RNF38: variants seen among roughly 807,000 people sequenced by gnomAD.
The protein encoded by RNF38 is E3 ubiquitin-protein ligase RNF38.
A neutral mutation model predicts 67.2 loss-of-function variants in RNF38; 15 were observed. The ratio of observed to expected loss-of-function variants is 0.22; its 90% CI spans 0.15 to 0.34. The LOEUF is 0.34. Among genes scored for constraint, RNF38 ranks in the 10% least tolerant of loss-of-function variants. The probability of loss-of-function intolerance (pLI) is 1.00; values close to 1 mark genes in which losing one functional copy is unlikely to be tolerated. For synonymous variants in RNF38, 220 were observed against 218.8 expected (o/e 1.01, Z -0.05); for missense variants, 524 against 639.9 (o/e 0.82, Z 1.95).
intron 2 of RNF38, among the ~76,000 whole-genome samples, chr9:36,378,191 T>G (rs1345325189): frequency 4.2e-5 from 6 of 143,890 alleles, no homozygotes; most frequent in East Asian, 2.1e-4. Context: ...TTTTTTTTTT[T>G]TGTGAGACGG....
chr9:36,457,660 C>A (rs1289297257), intron 1 of RNF38, among the ~76,000 whole-genome samples: 2 of 152,132 alleles, frequency 1.3e-5, no homozygotes, highest in Non-Finnish European at 2.9e-5. Flanking sequence ...GTAATCCCAG[C>A]ACTTTTGGAG....
rs560278471 is a variant in RNF38, at chr9:36,347,669, G to A, written c.1264-2716C>T. Among the ~76,000 whole-genome samples, 21 of 152,214 alleles carry A rather than the reference G, an allele frequency of 1.4e-4. No homozygotes were observed. In the South Asian group the frequency reaches 3.7e-3, roughly 27 times the overall value. On this transcript the variant is annotated intron_variant, in intron 9 of 11. Coordinates refer to ENST00000259605, the MANE Select transcript of RNF38 (RefSeq NM_022781.5). The stretch of plus-strand genomic sequence containing the variant: ...TCGCCCATCTCTCTCCGTCTCCTGC[G>A]GTATTCCTAGTCTCTGAGACACAAC...
chr9:36,417,953 A>C (rs1289443311), intron 2 of RNF38, among the ~76,000 whole-genome samples: 1 of 152,258 alleles, frequency 6.6e-6, no homozygotes, highest in Non-Finnish European at 1.5e-5. Flanking sequence ...AAATATGGTA[A>C]GAAAAAACAA....
intron 1 of RNF38, among the ~76,000 whole-genome samples, chr9:36,486,626 G>A (rs1840417979): frequency 6.6e-6 from 1 of 152,108 alleles, no homozygotes; most frequent in African/African-American, 2.4e-5. Context: ...TGGGGAAGGT[G>A]GCCTGGCAGA....
intron 2 of RNF38, among the ~76,000 whole-genome samples, chr9:36,419,540 C>G (rs1340135760): frequency 6.6e-6 from 1 of 152,196 alleles, no homozygotes; most frequent in Non-Finnish European, 1.5e-5. Context: ...AGAGAATAGT[C>G]TTATCAAATT....
intron 2 of RNF38, among the ~76,000 whole-genome samples, chr9:36,377,276 C>T (rs1835859356): frequency 6.6e-6 from 1 of 152,146 alleles, no homozygotes; most frequent in African/African-American, 2.4e-5. Context: ...TTGGGCATTA[C>T]AGTACTTTTG....
intron 4 of RNF38, among the ~76,000 whole-genome samples, chr9:36,364,677 A>C (rs1489349772): frequency 6.6e-6 from 1 of 152,222 alleles, no homozygotes; most frequent in Admixed American, 6.5e-5. Context: ...GTAACTGGAG[A>C]AGCTACTTTG....
At position 36,353,351 on chromosome 9, in the gene RNF38, A is replaced by G. The variant is rs1487560713; in HGVS notation, c.910-20T>C. On this transcript the variant is annotated intron_variant, in intron 6 of 11. Transcript: ENST00000259605. ...CAGAGGCTGAGGAGGGGGAAAAAAA[A>G]ACACATATATGTATATATATATATA... 2 of 1,523,012 alleles carry G rather than the reference A, an allele frequency of 1.3e-6. No homozygotes were observed. The highest frequency in any genetic ancestry group is 1.8e-6 in the Non-Finnish European group (2 of 1,130,286). 94.3% of individuals were successfully genotyped at this position (1,523,012 alleles called of 1,614,324 possible).
At chr9:36,471,215 C>T (rs1839991412) in intron 1 of RNF38, among the ~76,000 whole-genome samples, 1 of 152,166 alleles carries the variant, frequency 6.6e-6, no homozygotes, top group East Asian at 1.9e-4. Context: ...AGGCCCATAT[C>T]CAATTTGACT....
chr9:36,473,932 G>A (rs945283240), intron 1 of RNF38, among the ~76,000 whole-genome samples: 10 of 148,952 alleles, frequency 6.7e-5, no homozygotes, highest in Non-Finnish European at 1.0e-4. Flanking sequence ...GTTGCAGCGA[G>A]CTGAGATCAT....
intron 4 of RNF38, among the ~76,000 whole-genome samples, chr9:36,360,691 A>G (rs1227428994): frequency 6.6e-6 from 1 of 152,208 alleles, no homozygotes; most frequent in Non-Finnish European, 1.5e-5. Context: ...AATAATGTGT[A>G]TAAGTACCTA....
intron 1 of RNF38, among the ~76,000 whole-genome samples, chr9:36,481,696 A>G (rs999730258): frequency 1.3e-5 from 2 of 152,176 alleles, no homozygotes; most frequent in Non-Finnish European, 2.9e-5. Context: ...CTTTCCCTTG[A>G]GCCCCCAGAA....
chr9:36,341,877 T>G, intron 11 of RNF38, among the ~76,000 whole-genome samples: 1 of 101,704 alleles, frequency 9.8e-6, no homozygotes. Flanking sequence ...AAGAAGCCCC[T>G]GCAATAATTT....
At chr9:36,453,158 G>A (rs979586626) in intron 1 of RNF38, among the ~76,000 whole-genome samples, 1 of 152,114 alleles carries the variant, frequency 6.6e-6, no homozygotes, top group South Asian at 2.1e-4. Context: ...TTGACAACGT[G>A]TTGTTGTCTG....
intron 2 of RNF38, among the ~76,000 whole-genome samples, chr9:36,407,201 C>T (rs1360219796): frequency 3.9e-5 from 6 of 152,204 alleles, no homozygotes; most frequent in East Asian, 1.9e-4. Flanking sequence ...TAGCAGCTGC[C>T]GGCTATAGCA....
At chr9:36,373,970 T>A (rs528171525) in intron 3 of RNF38, among the ~76,000 whole-genome samples, 6 of 152,224 alleles carry the variant, frequency 3.9e-5, no homozygotes, top group African/African-American at 1.4e-4. Context: ...GGATTACAGG[T>A]GCGAGCCACT....
intron 6 of RNF38, among the ~76,000 whole-genome samples, chr9:36,354,422 C>T (rs1367556435): frequency 2.6e-5 from 4 of 152,140 alleles, no homozygotes; most frequent in Non-Finnish European, 5.9e-5. Context: ...AGGATGGTCT[C>T]GATCTCCTGA....
chr9:36,382,728 G>C (rs1320076493), intron 2 of RNF38, among the ~76,000 whole-genome samples: 1 of 152,146 alleles, frequency 6.6e-6, no homozygotes, highest in Non-Finnish European at 1.5e-5. Flanking sequence ...TGGGGAAATG[G>C]AATTTCTCAA....
chr9:36,481,863 C>A (rs118157210), intron 1 of RNF38, among the ~76,000 whole-genome samples: 1,744 of 152,124 alleles, frequency 0.011, 15 homozygotes, highest in Non-Finnish European at 0.02. Flanking sequence ...ATGGAAAATA[C>A]AAATGGGTAA....
Sources: allele counts gnomAD v4.1 joint callset (sites outside exome capture counted in the v4.1 genomes callset), GRCh38; gene constraint gnomAD v4.1.1; transcripts MANE v1.5; gene names NCBI Gene and HGNC (gene_info 2026-07-23, HGNC 2026-07-21).